Variants in CSMD1 observed in about 807,000 individuals in gnomAD.
The protein encoded by CSMD1 is CUB and Sushi multiple domains 1.
CSMD1 carries 213 observed loss-of-function variants against 417.5 expected under a neutral mutation model. The ratio of observed to expected loss-of-function variants is 0.51; its 90% CI spans 0.46 to 0.57. CSMD1 has a LOEUF of 0.57. Among genes scored for constraint, CSMD1 ranks in the 20% least tolerant of loss-of-function variants. CSMD1 has a pLI of 0.00. For missense variants in CSMD1, 6,923 were observed against 4,529.7 expected (o/e 1.53, Z -15.17); for synonymous variants, 2,862 against 1,736.8 (o/e 1.65, Z -16.11).
intron 5 of CSMD1, among the ~76,000 whole-genome samples, chr8:3,977,463 G>C (rs1397362391): frequency 1.3e-5 from 2 of 152,018 alleles, no homozygotes; most frequent in East Asian, 1.9e-4. Flanking sequence ...GATGGCATTG[G>C]TGCGACTTAA....
intron 2 of CSMD1, among the ~76,000 whole-genome samples, chr8:4,437,607 C>G (rs1798220575): frequency 6.6e-6 from 1 of 152,178 alleles, no homozygotes; most frequent in Admixed American, 6.5e-5. Context: ...CATACTCTAT[C>G]AGCCTCTGTT....
intron 3 of CSMD1, among the ~76,000 whole-genome samples, chr8:4,308,091 G>C (rs1240062833): frequency 6.6e-6 from 1 of 152,178 alleles, no homozygotes; most frequent in Admixed American, 6.6e-5. Context: ...TATTCGAACA[G>C]TGGCAGAAGT....
chr8:4,375,878 T>G (rs1019663459), intron 3 of CSMD1, among the ~76,000 whole-genome samples: 1 of 152,106 alleles, frequency 6.6e-6, no homozygotes, highest in African/African-American at 2.4e-5. Context: ...ACAACTCCCA[T>G]CAAACACAGG....
chr8:3,619,296 C>T (rs900228), intron 7 of CSMD1, among the ~76,000 whole-genome samples: 3 of 151,628 alleles, frequency 2.0e-5, no homozygotes, highest in African/African-American at 4.8e-5. Context: ...TTGATCTCAA[C>T]GTTCAGAGGC....
At chr8:3,624,456 T>C (rs887660735) in intron 7 of CSMD1, among the ~76,000 whole-genome samples, 1 of 152,256 alleles carries the variant, frequency 6.6e-6, no homozygotes, top group African/African-American at 2.4e-5. Flanking sequence ...CTCACACTTT[T>C]TAGCACGAAG....
chr8:4,890,142 T>A (rs1804010563), intron 1 of CSMD1, among the ~76,000 whole-genome samples: 1 of 152,156 alleles, frequency 6.6e-6, no homozygotes, highest in Non-Finnish European at 1.5e-5. Flanking sequence ...AAATCCCATT[T>A]TCCCCTTAAT....
intron 3 of CSMD1, among the ~76,000 whole-genome samples, chr8:4,268,880 G>A (rs539884156): frequency 1.1e-4 from 16 of 152,236 alleles, no homozygotes; most frequent in Non-Finnish European, 1.9e-4. Context: ...CACATAGAAT[G>A]TTTATTCATA....
rs189694664 is a variant in CSMD1, at chr8:4,078,460, G to A, written c.416-46361C>T. On this transcript the variant is annotated intron_variant, in intron 3 of 69. Coordinates refer to ENST00000635120, the MANE Select transcript of CSMD1 (RefSeq NM_033225.6). ...CTCTTGAATAGCTGGGACTACAGGT[G>A]CCACCATGTTAGCCAGGATGGTCTC... Among the ~76,000 whole-genome samples, 609 of 151,542 alleles carry A rather than the reference G, an allele frequency of 4.0e-3. 3 individuals carry two copies. Among genetic ancestry groups the A allele is most frequent in the African/African-American group, 0.014 (585 of 41,340 alleles).
intron 5 of CSMD1, among the ~76,000 whole-genome samples, chr8:3,884,993 A>T (rs1806460603): frequency 2.6e-5 from 4 of 151,056 alleles, no homozygotes; most frequent in Admixed American, 2.6e-4. Flanking sequence ...ATATATATGC[A>T]CCTATCAAAT....
intron 1 of CSMD1, among the ~76,000 whole-genome samples, chr8:4,949,552 C>T (rs968597877): frequency 2.6e-5 from 4 of 152,278 alleles, no homozygotes; most frequent in Middle Eastern, 3.4e-3. Context: ...TTAGTTGTTG[C>T]ATGTCACATC....
At chr8:3,325,977 T>A (rs1026371524) in intron 23 of CSMD1, among the ~76,000 whole-genome samples, 1 of 152,186 alleles carries the variant, frequency 6.6e-6, no homozygotes, top group Non-Finnish European at 1.5e-5. Flanking sequence ...AGGAAATTAT[T>A]CAAATCAATG....
intron 5 of CSMD1, among the ~76,000 whole-genome samples, chr8:3,961,393 C>A (rs958228654): frequency 6.6e-6 from 1 of 152,190 alleles, no homozygotes; most frequent in Non-Finnish European, 1.5e-5. Flanking sequence ...CCACTGTACA[C>A]AGTTTCAGTT....
chr8:3,293,014 C>G (rs972714825), intron 25 of CSMD1, among the ~76,000 whole-genome samples: 130 of 152,136 alleles, frequency 8.5e-4, no homozygotes, highest in African/African-American at 3.0e-3. Flanking sequence ...TCTTTTAGGG[C>G]AGGCCTGGTG....
chr8:3,096,006 C>G lies in CSMD1; in HGVS notation c.7138+843G>C, dbSNP rs181355851. Reference sequence around the variant, plus strand: ...TTATCATCTAGAAATCTCTGTGAGCCATGATTTTTACATATTTCCAGTAAA... The same window carrying G: ...TTATCATCTAGAAATCTCTGTGAGCGATGATTTTTACATATTTCCAGTAAA... On this transcript the variant is annotated intron_variant, in intron 47 of 69. Coordinates refer to ENST00000635120, the MANE Select transcript of CSMD1 (RefSeq NM_033225.6). Among the ~76,000 whole-genome samples the G allele has an allele frequency of 3.2e-3, 487 of 152,198 alleles. 3 individuals are homozygous for G. The highest frequency in any genetic ancestry group is 0.031 in the Middle Eastern group (9 of 294).
rs187347287 is a variant in CSMD1 at position 4,701,478 on chromosome 8, C to T, written c.86-63920G>A. On this transcript the variant is annotated intron_variant, in intron 1 of 69. Transcript: ENST00000635120. ...GGCCATGCACAGTACTCCTCCTCCC[C>T]GACCCCAGCACAGAACACCCAGGCC... Among the ~76,000 whole-genome samples the T allele has an allele frequency of 3.9e-5, 6 of 152,128 alleles. No individual in the cohort carries two copies. In the East Asian group the frequency reaches 5.8e-4, roughly 15 times the overall value.
intron 4 of CSMD1, among the ~76,000 whole-genome samples, chr8:4,026,384 C>T (rs183070399): frequency 6.6e-6 from 1 of 152,200 alleles, no homozygotes; most frequent in Non-Finnish European, 1.5e-5. Flanking sequence ...ACACTGATCT[C>T]ATTGGGATTT....
At chr8:3,630,613 G>C (rs996937116) in intron 7 of CSMD1, among the ~76,000 whole-genome samples, 10 of 152,198 alleles carry the variant, frequency 6.6e-5, no homozygotes, top group African/African-American at 2.4e-4. Flanking sequence ...GAAGTGTTGG[G>C]CTGGCATGCT....
chr8:4,489,036 G>C (rs1363304149), intron 2 of CSMD1, among the ~76,000 whole-genome samples: 1 of 152,134 alleles, frequency 6.6e-6, no homozygotes, highest in East Asian at 1.9e-4. Flanking sequence ...TCAGCCTCCT[G>C]AGTAGCTGGG....
chr8:3,761,251 G>C (rs1563351091), intron 5 of CSMD1, among the ~76,000 whole-genome samples: 1 of 152,074 alleles, frequency 6.6e-6, no homozygotes, highest in African/African-American at 2.4e-5. Flanking sequence ...CTATGTGTGT[G>C]TGTATACACA....
Sources: allele counts gnomAD v4.1 joint callset (sites outside exome capture counted in the v4.1 genomes callset), GRCh38; gene constraint gnomAD v4.1.1; transcripts MANE v1.5; gene names NCBI Gene and HGNC (gene_info 2026-07-23, HGNC 2026-07-21).